The following ZC3H18 variants were observed in gnomAD, a reference collection of about 807,000 sequenced individuals.
ZC3H18 encodes zinc finger CCCH domain-containing protein 18.
Under a neutral mutation model 106.1 loss-of-function variants are expected in ZC3H18, and 8 were observed. The observed-to-expected ratio is 0.08, with a 90% CI of 0.04 to 0.14. The LOEUF (loss-of-function observed/expected upper bound fraction) is 0.14, where lower values mean the gene tolerates loss of function less well. Among genes scored for constraint, ZC3H18 ranks in the 10% least tolerant of loss-of-function variants. The probability of loss-of-function intolerance (pLI) is 1.00; values close to 1 mark genes in which losing one functional copy is unlikely to be tolerated. For synonymous variants in ZC3H18, 635 were observed against 522.1 expected (o/e 1.22, Z -2.95); for missense variants, 1,318 against 1,278.4 (o/e 1.03, Z -0.47).
intron 3 of ZC3H18, among the ~76,000 whole-genome samples, chr16:88,595,632 C>A (rs940471652): frequency 4.6e-5 from 7 of 151,618 alleles, no homozygotes; most frequent in African/African-American, 1.7e-4. Context: ...CATGGCGAAA[C>A]CCTGTCACTA....
In ZC3H18 at chr16:88,624,652, C is replaced by T; in HGVS notation, c.1949C>T (p.Thr650Ile). The change falls in exon 12 of 18, where the codon ACC (threonine) becomes ATC (isoleucine). Residue 650 changes from threonine to isoleucine, a missense_variant. Transcript: ENST00000301011. ...PAPPPAPPQA[T>I]KTTAPVPEPT... ...CCGCCTCCAGCCCCACCACAGGCCA[C>T]CAAAACCACTGCTCCTGTCCCCGAG... is the stretch of plus-strand genomic sequence containing the variant. The T allele has an allele frequency of 6.2e-7, 1 of 1,614,010 alleles. No homozygotes were observed. Among genetic ancestry groups the T allele is most frequent in the Non-Finnish European group, 8.5e-7 (1 of 1,179,994 alleles).
chr16:88,628,932 A>C, intron 16 of ZC3H18, 78 bp downstream of exon 16: 1 of 1,422,334 alleles, frequency 7.0e-7, no homozygotes, highest in Non-Finnish European at 9.8e-7. Flanking sequence ...CTGAGACCCC[A>C]TTGCTCTTAA....
At chr16:88,621,385 TG>T (rs1338748223) in intron 8 of ZC3H18, among the ~76,000 whole-genome samples, 1 of 152,112 alleles carries the variant, frequency 6.6e-6, no homozygotes, top group Non-Finnish European at 1.5e-5. Flanking sequence ...CCACCACGCC[TG>T]GCTAATTTTA....
intron 9 of ZC3H18, chr16:88,623,011 C>G: frequency 4.4e-6 from 3 of 683,616 alleles, no homozygotes; most frequent in Non-Finnish European, 7.1e-6. Flanking sequence ...AAATGCCGTT[C>G]TGCACCAAGG....
intron 8 of ZC3H18, among the ~76,000 whole-genome samples, chr16:88,620,182 C>A (rs1055422541): frequency 1.3e-5 from 2 of 152,206 alleles, no homozygotes; most frequent in African/African-American, 4.8e-5. Context: ...TTGGTGGTTT[C>A]ATGTGTTGTC....
chr16:88,573,536 A>G (rs1241352883), intron 1 of ZC3H18, among the ~76,000 whole-genome samples: 1 of 151,982 alleles, frequency 6.6e-6, no homozygotes, highest in Non-Finnish European at 1.5e-5. Flanking sequence ...TTTGGGGATC[A>G]GCTCCTTGAC....
At chr16:88,620,832 A>G (rs1905911971) in intron 8 of ZC3H18, among the ~76,000 whole-genome samples, 1 of 152,084 alleles carries the variant, frequency 6.6e-6, no homozygotes, top group Non-Finnish European at 1.5e-5. Context: ...AGATTTATAT[A>G]TAAGGGGTCA....
chr16:88,631,773 A>G lies in ZC3H18; in HGVS notation c.*474A>G, dbSNP rs143098853. 7 of 336,746 alleles carry G rather than the reference A, an allele frequency of 2.1e-5. No individual in the cohort carries two copies. The East Asian group carries it at 6.5e-4, about 31-fold the overall frequency. 20.9% of individuals were successfully genotyped at this position (336,746 alleles called of 1,614,324 possible). On this transcript the variant is annotated 3_prime_UTR_variant, in exon 18 of 18. Transcript: ENST00000301011. Reference sequence around the variant, plus strand: ...CCGCCCCCGGATCAGAAATATATCTATATTCTCGACTAAAGTCTCATCAGG... The same window carrying G: ...CCGCCCCCGGATCAGAAATATATCTGTATTCTCGACTAAAGTCTCATCAGG...
chr16:88,616,569 T>C (rs1905621327), intron 8 of ZC3H18, among the ~76,000 whole-genome samples: 1 of 152,212 alleles, frequency 6.6e-6, no homozygotes, highest in East Asian at 1.9e-4. Context: ...GCGCAGAATT[T>C]CCAGCCAGTG....
intron 2 of ZC3H18, among the ~76,000 whole-genome samples, chr16:88,579,166 C>A (rs1914954804): frequency 6.6e-6 from 1 of 152,226 alleles, no homozygotes; most frequent in Non-Finnish European, 1.5e-5. Context: ...TTAGATGTTT[C>A]ATCTTTCCGC....
chr16:88,627,531 G>T lies in ZC3H18; in HGVS notation c.2109-91G>T, dbSNP rs1224193449. The stretch of plus-strand genomic sequence containing the variant: ...TCCGTGGGTACATGATCCATAAATG[G>T]ACACTGCGTAAAAGTGGACCATGGA... On this transcript the variant is annotated intron_variant, in intron 13 of 17. Coordinates refer to ENST00000301011, the MANE Select transcript of ZC3H18 (RefSeq NM_144604.4). The surrounding 1 kb of genome is among the most constrained non-coding windows in gnomAD (Gnocchi z 4.5). 2 of 1,492,778 alleles carry T rather than the reference G, an allele frequency of 1.3e-6. No homozygotes were observed. Among genetic ancestry groups the T allele is most frequent in the African/African-American group, 2.8e-5 (2 of 71,566 alleles). The allele number at this position is 1,492,778 out of a possible 1,614,324, so 92.5% of individuals were successfully genotyped here. A position where few individuals can be genotyped will look rare whatever the true frequency, so the allele number is the denominator to read the frequency against.
intron 2 of ZC3H18, among the ~76,000 whole-genome samples, chr16:88,586,342 A>C (rs1915429104): frequency 6.6e-6 from 1 of 152,230 alleles, no homozygotes; most frequent in South Asian, 2.1e-4. Context: ...ATGTCACGAA[A>C]GCCCACTCTG....
At chr16:88,624,526 G>A in intron 11 of ZC3H18, 76 bp from the exon 12 acceptor site, 1 of 1,606,950 alleles carries the variant, frequency 6.2e-7, no homozygotes, top group Non-Finnish European at 8.5e-7. Flanking sequence ...CGAGCTGTGG[G>A]TCCATTGAAA....
intron 3 of ZC3H18, among the ~76,000 whole-genome samples, chr16:88,591,290 A>G (rs1205402972): frequency 1.3e-5 from 2 of 151,086 alleles, no homozygotes; most frequent in Non-Finnish European, 2.9e-5. Context: ...TTAAGACTGA[A>G]TAATAGGTGC....
chr16:88,598,475 C>T, intron 4 of ZC3H18, 145 bp from the exon 5 acceptor site: 1 of 1,460,694 alleles, frequency 6.8e-7, no homozygotes, highest in Non-Finnish European at 9.3e-7. Context: ...CAGGCCTCGG[C>T]TTTCCGAGGA....
intron 16 of ZC3H18, 199 bp from the exon 17 acceptor site, chr16:88,630,286 A>C: frequency 1.9e-6 from 1 of 536,750 alleles, no homozygotes; most frequent in Non-Finnish European, 3.3e-6. Context: ...GTTTGGCCTC[A>C]GCCTCATTTC....
Position 88,624,738 on chromosome 16 carries a change from C to A in ZC3H18, c.2035C>A (p.Pro679Thr), listed in dbSNP as rs116598906. ...GAAGGAGCGGCCAGCCAGGACCCCC[C>A]CCAGGAGGTGAGCACTCCGGCGTCC... Reference protein sequence around the residue: ...RRKERPARTPPRRRTLSGSGS... With the variant: ...RRKERPARTPTRRRTLSGSGS... The change falls in exon 12 of 18, where the codon CCC (proline) becomes ACC (threonine). Residue 679 changes from proline (P) to threonine (T), a missense_variant. Coordinates refer to ENST00000301011, the MANE Select transcript of ZC3H18 (RefSeq NM_144604.4). 15 of 1,611,966 alleles carry A rather than the reference C, an allele frequency of 9.3e-6. No individual in the cohort carries two copies. The East Asian group carries it at 1.8e-4, about 19-fold the overall frequency.
intron 5 of ZC3H18, among the ~76,000 whole-genome samples, chr16:88,599,100 T>A (rs2142679861): frequency 6.6e-6 from 1 of 152,296 alleles, no homozygotes; most frequent in South Asian, 2.1e-4. Context: ...ATACCCACTG[T>A]CTTCATGGGG....
At chr16:88,586,518 C>A in intron 2 of ZC3H18, 82 bp from the exon 3 acceptor site, 2 of 1,171,340 alleles carry the variant, frequency 1.7e-6, no homozygotes, top group Admixed American at 3.5e-5. Context: ...CCACACGCAG[C>A]TTCCTGCCCC....
Sources: gnomAD v4.1 joint callset for allele counts (sites outside exome capture counted in the v4.1 genomes callset) on GRCh38, gnomAD v4.1.1 for gene constraint, Gnocchi (gnomAD v3.1) non-coding constraint, MANE v1.5 for transcripts, NCBI Gene and HGNC (gene_info 2026-07-23, HGNC 2026-07-21) for gene names.